CCDC14: variants seen among roughly 807,000 people sequenced by gnomAD.
CCDC14 encodes coiled-coil domain-containing protein 14.
In CCDC14, 71 loss-of-function variants were observed where a neutral mutation model predicts 81.4. The ratio of observed to expected loss-of-function variants is 0.87; its 90% confidence interval spans 0.72 to 1.06. The LOEUF is 1.06. Among genes scored for constraint, CCDC14 ranks in the 50% least tolerant of loss-of-function variants. The pLI, the probability that CCDC14 is intolerant of heterozygous loss-of-function variation, is 0.00. For missense variants in CCDC14, 1,046 were observed against 1,047.3 expected, an observed-to-expected ratio of 1.00 and a Z score of 0.02; for synonymous variants, 332 against 364.8, an observed-to-expected ratio of 0.91 and a Z score of 1.03.
At chr3:123,908,441 A>G (rs1268179783), downstream of CCDC14, among the ~76,000 whole-genome samples, 1 of 152,220 alleles carries the variant, frequency 6.6e-6, no homozygotes, top group Non-Finnish European at 1.5e-5. Context: ...ACATAAAGAC[A>G]GAATCACTAG....
At chr3:123,909,789 G>T (rs1183282595), downstream of CCDC14, among the ~76,000 whole-genome samples, 1 of 152,208 alleles carries the variant, frequency 6.6e-6, no homozygotes, top group South Asian at 2.1e-4. Flanking sequence ...ATGGCACAGA[G>T]CTAGGTTCTG....
chr3:123,917,029 G>C lies in CCDC14; in HGVS notation c.1779-1311C>G, dbSNP rs1473216757. On this transcript the variant is annotated intron_variant, in intron 12 of 12. Transcript: ENST00000409697. ...GCTAATTTTTCTGTATTTTTTAGTA[G>C]CGACGGGGTTTCACTGTGTTAGCCG... Among the ~76,000 whole-genome samples the C allele has an allele frequency of 4.0e-5, 6 of 151,658 alleles. No individual in the cohort carries two copies. In the East Asian group the frequency reaches 1.2e-3, roughly 30 times the overall value.
At chr3:123,927,134 G>T (rs1419602036) in intron 12 of CCDC14, among the ~76,000 whole-genome samples, 1 of 152,014 alleles carries the variant, frequency 6.6e-6, no homozygotes, top group East Asian at 1.9e-4. Flanking sequence ...ACAAAACAAT[G>T]GCTGGGTGTG....
intron 5 of CCDC14, 136 bp from the exon 6 acceptor site, chr3:123,949,268 C>A: frequency 3.4e-6 from 2 of 595,174 alleles, no homozygotes; most frequent in South Asian, 2.2e-5. Context: ...ACCACTATCA[C>A]CCCTACTAAA....
intron 6 of CCDC14, 34 bp from the exon 7 acceptor site, chr3:123,948,819 A>G: frequency 6.3e-7 from 1 of 1,579,916 alleles, no homozygotes. Context: ...TTAATCACAT[A>G]TCCTACTTTT....
Position 123,913,921 on chromosome 3 carries a change from T to C in CCDC14, c.*858A>G. On this transcript the variant is annotated 3_prime_UTR_variant, in exon 13 of 13. Transcript: ENST00000409697. Reference sequence around the variant, plus strand: ...GAAGCAGAGAGACCAACCTACTTCATATTATTTATAAAATAGAGAATATTC... The same window carrying C: ...GAAGCAGAGAGACCAACCTACTTCACATTATTTATAAAATAGAGAATATTC... The C allele has an allele frequency of 4.1e-6, 4 of 985,044 alleles. No individual in the cohort carries two copies. The highest frequency in any genetic ancestry group is 4.7e-5 in the South Asian group (1 of 21,270). 61.0% of individuals were successfully genotyped at this position (985,044 alleles called of 1,614,324 possible). A position where few individuals can be genotyped will look rare whatever the true frequency, so the allele number is the denominator to read the frequency against.
intron 7 of CCDC14, among the ~76,000 whole-genome samples, chr3:123,948,399 GC>G (rs1328907278): frequency 1.3e-5 from 2 of 151,940 alleles, no homozygotes; most frequent in Admixed American, 6.6e-5. Flanking sequence ...GTGCCACCAT[GC>G]CCAGCTAATT....
At chr3:123,948,627 C>G (rs1417798663) in intron 7 of CCDC14, 64 bp downstream of exon 7, 2 of 1,162,204 alleles carry the variant, frequency 1.7e-6, no homozygotes, top group African/African-American at 3.1e-5. Context: ...ATAAATTCAA[C>G]AGTCCCTCCT....
chr3:123,891,038 A>G, the CCDC14 span, among the ~76,000 whole-genome samples: 1 of 152,226 alleles, frequency 6.6e-6, no homozygotes, highest in African/African-American at 2.4e-5. Flanking sequence ...GGAAGCTGCC[A>G]AGGCTTGGGG....
downstream of CCDC14, among the ~76,000 whole-genome samples, chr3:123,896,025 C>A (rs1047211943): frequency 2.6e-5 from 4 of 152,180 alleles, no homozygotes; most frequent in Non-Finnish European, 5.9e-5. Context: ...CCTAAGTGTA[C>A]AACAGCAAAT....
rs2035677861 is a variant in CCDC14, at chr3:123,931,172, C to T, written c.1708G>A (p.Glu570Lys). 6.2e-7 allele frequency: 1 copy of T among 1,612,892 alleles called. No individual in the cohort carries two copies. Among genetic ancestry groups the T allele is most frequent in the Non-Finnish European group, 8.5e-7 (1 of 1,179,652 alleles). Residue 570 changes from glutamate to lysine, a missense_variant, in exon 12 of 13, where the codon GAA becomes AAA. Glu to Lys is a moderately conservative substitution (Grantham distance 56, BLOSUM62 1). Coordinates refer to ENST00000409697, the MANE Select transcript of CCDC14 (RefSeq NM_001366335.1). ...AATGTTATCCCCAATATCTGGTTTTCCTTTTCAGCAGTTTCTAACTTAAAC... is the reference window on the plus strand; with the variant it reads ...AATGTTATCCCCAATATCTGGTTTTTCTTTTCAGCAGTTTCTAACTTAAAC... The part of the protein sequence containing the change: ...SQFKLETAEK[E>K]NQILGITLRQ...
intron 12 of CCDC14, among the ~76,000 whole-genome samples, chr3:123,924,597 A>T (rs542931920): frequency 6.6e-5 from 10 of 152,292 alleles, no homozygotes; most frequent in Admixed American, 5.2e-4. Flanking sequence ...CAGCAAAAAA[A>T]CAAATAATTA....
At chr3:123,946,500 T>C (rs2036633283) in intron 8 of CCDC14, among the ~76,000 whole-genome samples, 1 of 152,118 alleles carries the variant, frequency 6.6e-6, no homozygotes, top group Non-Finnish European at 1.5e-5. Context: ...ATTCTCTAAT[T>C]AAAATTTTTA....
rs1054252074 is a variant in CCDC14 at position 123,956,684 on chromosome 3, C to T, written c.86+56G>A. 9 of 1,402,036 alleles carry T rather than the reference C, an allele frequency of 6.4e-6. No homozygotes were observed. The Admixed American group carries it at 1.8e-4, about 29-fold the overall frequency. 86.8% of individuals were successfully genotyped at this position (1,402,036 alleles called of 1,614,324 possible). On this transcript the variant is annotated intron_variant, in intron 2 of 12. Coordinates refer to ENST00000409697, the MANE Select transcript of CCDC14 (RefSeq NM_001366335.1). ...GGGGTAGACGACATGTCATCCAGCC[C>T]AAAGACCTGAAAAATTCCTTGAAAT...
chr3:123,913,400 T>C (rs2034492216), downstream of CCDC14: 2 of 983,666 alleles, frequency 2.0e-6, no homozygotes, highest in Non-Finnish European at 2.4e-6. Flanking sequence ...GTTAAATATT[T>C]GGGAGTAGAC....
At position 123,956,138 on chromosome 3, in the gene CCDC14, GA is replaced by G. The variant is rs918110457; in HGVS notation, c.160-24del. 3.3e-6 allele frequency: 5 copies of G among 1,522,050 alleles called. No homozygotes were observed. In the African/African-American group the frequency reaches 7.0e-5, roughly 21 times the overall value. The allele number at this position is 1,522,050 out of a possible 1,614,324, so 94.3% of individuals were successfully genotyped here. ...AGCCTGTAAGAAATAAAGTCATTTA[GA>G]ATACATTTGTATATGACTGTTAGTG... On this transcript the variant is annotated intron_variant, in intron 3 of 12. Transcript: ENST00000409697.
chr3:123,915,276 TTTCAG>T lies in CCDC14; in HGVS notation c.2216_2220del (p.Pro739GlnfsTer7), dbSNP rs768023084. ...AGTCTCTTAGAAAGTGGTGATTTCT[TTTCAG>T]GAGTGCTTCTAGCAAAAGGAATGTA... On this transcript the variant is annotated frameshift_variant, in exon 13 of 13. Transcript: ENST00000409697. LOFTEE classifies it low-confidence loss of function (END_TRUNC). 12 of 1,613,826 alleles carry T rather than the reference TTTCAG, an allele frequency of 7.4e-6. No individual in the cohort carries two copies. In the South Asian group the frequency reaches 1.2e-4, roughly 16 times the overall value.
intron 10 of CCDC14, among the ~76,000 whole-genome samples, chr3:123,933,097 AAAACAAACAAAC>A (rs761660866): frequency 1.3e-5 from 1 of 75,242 alleles, no homozygotes; most frequent in Non-Finnish European, 2.5e-5. Context: ...ACGCCGTCTC[AAAACAAACAAAC>A]AAACAAACAA....
Position 123,914,508 on chromosome 3 carries a change from A to G in CCDC14, c.*271T>C. The G allele has an allele frequency of 9.4e-7, 1 of 1,068,234 alleles. No individual in the cohort carries two copies. The highest frequency in any genetic ancestry group is 5.0e-5 in the Admixed American group (1 of 20,180). The allele number at this position is 1,068,234 out of a possible 1,614,324, so 66.2% of individuals were successfully genotyped here. A position where few individuals can be genotyped will look rare whatever the true frequency, so the allele number is the denominator to read the frequency against. ...TCCAGCAGATACATCTTAATAAAAG[A>G]ACTCTAATTGCTAAGTACTGAAATA... On this transcript the variant is annotated 3_prime_UTR_variant, in exon 13 of 13. Transcript: ENST00000409697.
Sources: allele counts gnomAD v4.1 joint callset (sites outside exome capture counted in the v4.1 genomes callset), GRCh38; gene constraint gnomAD v4.1.1; transcripts MANE v1.5; gene names NCBI Gene and HGNC (gene_info 2026-07-23, HGNC 2026-07-21).